GREM2: variants seen among roughly 807,000 people sequenced by gnomAD.
The protein encoded by GREM2 is gremlin-2.
A neutral mutation model predicts 14.2 loss-of-function variants in GREM2; 11 were observed. That is an observed-to-expected ratio of 0.78 (90% CI 0.49 to 1.28). GREM2 has a LOEUF of 1.28. GREM2 is among the 50% of genes most tolerant of loss of function. The pLI is 0.00. For missense variants in GREM2, 210 were observed against 218.5 expected (o/e 0.96, Z 0.24); for synonymous variants, 98 against 97.6 (o/e 1.00, Z -0.02).
At chr1:240,579,684 T>C (rs1679446632) in intron 1 of GREM2, among the ~76,000 whole-genome samples, 1 of 152,178 alleles carries the variant, frequency 6.6e-6, no homozygotes, top group Non-Finnish European at 1.5e-5. Context: ...TTGGACAAAA[T>C]GCTCAGGGAG....
At chr1:240,550,814 T>C (rs1260087996) in intron 1 of GREM2, among the ~76,000 whole-genome samples, 1 of 152,220 alleles carries the variant, frequency 6.6e-6, no homozygotes, top group Non-Finnish European at 1.5e-5. Flanking sequence ...TTACGAATGA[T>C]CAAAAGCAAA....
chr1:240,515,878 C>T (rs894615507), intron 1 of GREM2, among the ~76,000 whole-genome samples: 1 of 152,146 alleles, frequency 6.6e-6, no homozygotes, highest in African/African-American at 2.4e-5. Flanking sequence ...AATTCCCCCT[C>T]TTGAACATAA....
In GREM2 at chr1:240,540,731, T is replaced by G. The variant is rs779010613; in HGVS notation, c.-1-47255A>C. 3.9e-5 allele frequency among the ~76,000 whole-genome samples: 6 copies of G among 151,958 alleles called. No individual in the cohort carries two copies. The highest frequency in any genetic ancestry group is 8.8e-5 in the Non-Finnish European group (6 of 68,024). On this transcript the variant is annotated intron_variant, in intron 1 of 1. Transcript: ENST00000318160. This position sits in a 1 kb window ranked among gnomAD's most constrained non-coding sequence, Gnocchi z 4.2. ...GCATGCATCACCACGCCCAGCTAAT[T>G]TTTGTATTTTTAGTAGAGACAGGGT...
intron 1 of GREM2, among the ~76,000 whole-genome samples, chr1:240,561,792 T>C (rs981178834): frequency 9.2e-5 from 14 of 152,000 alleles, no homozygotes; most frequent in Non-Finnish European, 2.1e-4. Context: ...GATATATGGA[T>C]AATATTTATT....
chr1:240,578,195 G>A (rs1308572387), intron 1 of GREM2, among the ~76,000 whole-genome samples: 2 of 151,942 alleles, frequency 1.3e-5, no homozygotes, highest in African/African-American at 2.4e-5. Flanking sequence ...GTGCAATCTC[G>A]GCTCACTGCA....
chr1:240,543,498 G>C lies in GREM2; in HGVS notation c.-1-50022C>G, dbSNP rs532982642. On this transcript the variant is annotated intron_variant, in intron 1 of 1. Coordinates refer to ENST00000318160, the MANE Select transcript of GREM2 (RefSeq NM_022469.4). The surrounding 1 kb of genome is among the most constrained non-coding windows in gnomAD (Gnocchi z 6.4). ...ATTCACTACCATGATAACAGTAGGG[G>C]GGAAACCGCCCTTGTGATTCAATTA... Among the ~76,000 whole-genome samples the C allele has an allele frequency of 1.3e-5, 2 of 152,222 alleles. No homozygotes were observed. The highest frequency in any genetic ancestry group is 4.1e-4 in the South Asian group (2 of 4,822).
At chr1:240,562,980 AT>A (rs1558164111) in intron 1 of GREM2, among the ~76,000 whole-genome samples, 1 of 110,882 alleles carries the variant, frequency 9.0e-6, no homozygotes, top group East Asian at 2.6e-4. Flanking sequence ...ATGTGTGTAT[AT>A]GTAAGTGTGT....
intron 1 of GREM2, among the ~76,000 whole-genome samples, chr1:240,583,833 A>C (rs1369357284): frequency 5.3e-5 from 8 of 151,870 alleles, no homozygotes; most frequent in African/African-American, 1.7e-4. Flanking sequence ...CAATCTCTTG[A>C]CCTCGTGATC....
At chr1:240,537,082 A>AT (rs1016848945) in intron 1 of GREM2, among the ~76,000 whole-genome samples, 43 of 152,256 alleles carry the variant, frequency 2.8e-4, no homozygotes, top group Middle Eastern at 3.4e-3. Flanking sequence ...TTAAATACAG[A>AT]TTTTTTTCCC....
chr1:240,546,300 C>T (rs1678714960), intron 1 of GREM2, among the ~76,000 whole-genome samples: 1 of 151,602 alleles, frequency 6.6e-6, no homozygotes, highest in Non-Finnish European at 1.5e-5. Context: ...GATCGCGCTA[C>T]TGCACTCCAG....
intron 1 of GREM2, among the ~76,000 whole-genome samples, chr1:240,593,554 CA>C (rs1362898361): frequency 6.6e-6 from 1 of 152,156 alleles, no homozygotes; most frequent in Non-Finnish European, 1.5e-5. Flanking sequence ...AGATCGTGAA[CA>C]AAAGGTAATC....
At chr1:240,598,077 C>T (rs1214702408) in intron 1 of GREM2, among the ~76,000 whole-genome samples, 4 of 152,046 alleles carry the variant, frequency 2.6e-5, no homozygotes, top group South Asian at 2.1e-4. Context: ...TAAACAGCTC[C>T]GAACCTCAAT....
intron 1 of GREM2, among the ~76,000 whole-genome samples, chr1:240,534,002 G>A (rs1333663397): frequency 3.3e-5 from 5 of 152,186 alleles, no homozygotes; most frequent in African/African-American, 1.2e-4. Flanking sequence ...TGTTGGAAAG[G>A]CAGAGTTGCA....
chr1:240,568,969 T>C (rs909479344), intron 1 of GREM2, among the ~76,000 whole-genome samples: 17 of 152,258 alleles, frequency 1.1e-4, no homozygotes, highest in South Asian at 4.1e-4. Flanking sequence ...GAGGATTGCT[T>C]GAACCCAGAA....
intron 1 of GREM2, among the ~76,000 whole-genome samples, chr1:240,563,261 G>C (rs753006573): frequency 3.3e-5 from 5 of 151,948 alleles, no homozygotes; most frequent in Non-Finnish European, 5.9e-5. Flanking sequence ...GAACATATTT[G>C]TTTTTAATTT....
chr1:240,538,135 G>C (rs1461264649), intron 1 of GREM2, among the ~76,000 whole-genome samples: 1 of 152,186 alleles, frequency 6.6e-6, no homozygotes, highest in Non-Finnish European at 1.5e-5. Flanking sequence ...AAAATTTCTT[G>C]ACCACGCTGA....
In GREM2 at chr1:240,492,984, G is replaced by A; in HGVS notation, c.492C>T (p.Asp164=). 1 of 1,545,314 alleles carries A rather than the reference G, an allele frequency of 6.5e-7. No individual in the cohort carries two copies. The highest frequency in any genetic ancestry group is 1.2e-5 in the South Asian group (1 of 81,132). The change falls in exon 2 of 2, where the codon GAC becomes GAT. Residue 164 remains aspartate, a synonymous_variant. Transcript: ENST00000318160. ...GGCCCGGCGCTCACTGCTTGTCCGAGTCGCTCAGGTTCACGGACATGCACC... is the reference window on the plus strand; with the variant it reads ...GGCCCGGCGCTCACTGCTTGTCCGAATCGCTCAGGTTCACGGACATGCACC... ...QCRCMSVNLS[D]SDKQ
At chr1:240,576,416 C>T (rs919501686) in intron 1 of GREM2, among the ~76,000 whole-genome samples, 1 of 152,216 alleles carries the variant, frequency 6.6e-6, no homozygotes, top group African/African-American at 2.4e-5. Context: ...GACAGCTGGT[C>T]ACGTTACTAG....
chr1:240,569,341 A>T (rs1480724506), intron 1 of GREM2, among the ~76,000 whole-genome samples: 5 of 152,212 alleles, frequency 3.3e-5, no homozygotes, highest in Non-Finnish European at 4.4e-5. Context: ...GGAGATATTT[A>T]CAAGATGATT....
Sources: allele counts gnomAD v4.1 joint callset (sites outside exome capture counted in the v4.1 genomes callset), GRCh38; gene constraint gnomAD v4.1.1; non-coding constraint Gnocchi (gnomAD v3.1); transcripts MANE v1.5; gene names NCBI Gene and HGNC (gene_info 2026-07-23, HGNC 2026-07-21).